The following DYNC2H1 variants were observed in gnomAD, a reference collection of about 807,000 sequenced individuals.
DYNC2H1 encodes the protein dynein cytoplasmic 2 heavy chain 1, also known as cytoplasmic dynein 2 heavy chain 1.
Under a neutral mutation model 570.0 loss-of-function variants are expected in DYNC2H1, and 410 were observed. That is an observed-to-expected ratio of 0.72 (90% confidence interval 0.66 to 0.78). The LOEUF (loss-of-function observed/expected upper bound fraction) is 0.78. Ranked by LOEUF, DYNC2H1 falls within the 30% of genes least tolerant of loss-of-function variation. The pLI is 0.00. For synonymous variants in DYNC2H1, 1,688 were observed against 1,677.6 expected, an observed-to-expected ratio of 1.01 and a Z score of -0.15; for missense variants, 4,865 against 5,046.4, an observed-to-expected ratio of 0.96 and a Z score of 1.09.
At chr11:103,166,164 T>A in intron 31 of DYNC2H1, 116 bp downstream of exon 31, 2 of 736,612 alleles carry the variant, frequency 2.7e-6, no homozygotes, top group Non-Finnish European at 4.0e-6. Context: ...CTCGAGGAAT[T>A]ACAACATATA....
intron 54 of DYNC2H1, 46 bp downstream of exon 54, chr11:103,211,989 C>A: frequency 7.2e-7 from 1 of 1,386,626 alleles, no homozygotes. Flanking sequence ...ATATAGGAAA[C>A]AAGAGTTTTG....
chr11:103,320,618 C>A (rs1437629526), intron 80 of DYNC2H1, among the ~76,000 whole-genome samples: 1 of 152,104 alleles, frequency 6.6e-6, no homozygotes, highest in Non-Finnish European at 1.5e-5. Context: ...TGGATAGGTT[C>A]TCTTAAGGAA....
chr11:103,110,344 C>T (rs940133318), intron 1 of DYNC2H1, among the ~76,000 whole-genome samples: 2 of 151,944 alleles, frequency 1.3e-5, no homozygotes, highest in Admixed American at 1.3e-4. Flanking sequence ...ACTGCAGATA[C>T]GTTATAACTA....
chr11:103,176,481 T>TAATAAG, intron 37 of DYNC2H1, 47 bp downstream of exon 37: 1 of 1,326,904 alleles, frequency 7.5e-7, no homozygotes, highest in Non-Finnish European at 9.8e-7. Context: ...TTTTCCTAGT[T>TAATAAG]GATTCCTTAT....
At chr11:103,375,902 T>C (rs1941370933) in intron 83 of DYNC2H1, among the ~76,000 whole-genome samples, 2 of 152,084 alleles carry the variant, frequency 1.3e-5, no homozygotes. Context: ...TGTGAGGACA[T>C]GAGATTTTGG....
chr11:103,350,322 T>A (rs1939984753), intron 82 of DYNC2H1, among the ~76,000 whole-genome samples: 1 of 137,166 alleles, frequency 7.3e-6, no homozygotes. Context: ...TTATAAATTG[T>A]TTTTTTCTGC....
intron 82 of DYNC2H1, among the ~76,000 whole-genome samples, chr11:103,351,880 A>G (rs1296862911): frequency 6.6e-6 from 1 of 152,088 alleles, no homozygotes; most frequent in Admixed American, 6.6e-5. Context: ...GGTGCCTGAG[A>G]TTTACTTTGA....
chr11:103,176,415 A>T lies in DYNC2H1; in HGVS notation c.5855A>T (p.Tyr1952Phe), dbSNP rs756750628. 9 of 1,545,200 alleles carry T rather than the reference A, an allele frequency of 5.8e-6. No individual in the cohort carries two copies. Among genetic ancestry groups the T allele is most frequent in the Non-Finnish European group, 7.0e-6 (8 of 1,150,886 alleles). The change falls in exon 37 of 89, where the codon TAT becomes TTT. Residue 1952 changes from tyrosine to phenylalanine, a missense_variant. Transcript: ENST00000375735. Reference protein sequence around the residue: ...ALKQVFEEANYEIIPNQIKKA... With the variant: ...ALKQVFEEANFEIIPNQIKKA... ...AAGCAGGTCTTTGAAGAGGCCAATTATGAAATTATACCCAATCAGGTAACT... is the reference window on the plus strand; with the variant it reads ...AAGCAGGTCTTTGAAGAGGCCAATTTTGAAATTATACCCAATCAGGTAACT...
intron 56 of DYNC2H1, among the ~76,000 whole-genome samples, 191 bp downstream of exon 56, chr11:103,220,219 A>C (rs1033670545): frequency 6.6e-6 from 1 of 152,206 alleles, no homozygotes; most frequent in Admixed American, 6.5e-5. Context: ...ATGGATGATA[A>C]TTAAAAATAA....
chr11:103,430,926 G>A (rs1378176801), intron 84 of DYNC2H1, among the ~76,000 whole-genome samples: 7 of 152,054 alleles, frequency 4.6e-5, no homozygotes, highest in Non-Finnish European at 1.0e-4. Flanking sequence ...ATTGTCCATA[G>A]CCATCTCTTT....
At chr11:103,406,978 TTTA>T in intron 84 of DYNC2H1, 1 of 152,032 alleles carries the variant, frequency 6.6e-6, no homozygotes. Context: ...ATTAATAGTA[TTTA>T]TTGTTCATTG....
chr11:103,260,243 A>G (rs1462628219), intron 70 of DYNC2H1, among the ~76,000 whole-genome samples: 1 of 152,158 alleles, frequency 6.6e-6, no homozygotes, highest in Non-Finnish European at 1.5e-5. Context: ...AGATAATGAC[A>G]ATGGATTATG....
chr11:103,323,954 T>C lies in DYNC2H1; in HGVS notation c.12003T>C (p.Asn4001=). The part of the protein sequence containing the change: ...DKPSFFGLPA[N]IARSSQRMIS... ...CTAGTTTCTTTGGTCTGCCTGCCAATATCGCTCGCTCATCTCAGCGCATGA... is the reference window on the plus strand; with the variant it reads ...CTAGTTTCTTTGGTCTGCCTGCCAACATCGCTCGCTCATCTCAGCGCATGA... Residue 4001 remains asparagine, a synonymous_variant, in exon 82 of 89, where the codon AAT becomes AAC. Transcript: ENST00000375735. 2.5e-6 allele frequency: 4 copies of C among 1,612,852 alleles called. No individual in the cohort carries two copies. The highest frequency in any genetic ancestry group is 3.4e-6 in the Non-Finnish European group (4 of 1,179,240).
At chr11:103,141,646 G>C (rs957882324) in intron 17 of DYNC2H1, among the ~76,000 whole-genome samples, 1 of 152,154 alleles carries the variant, frequency 6.6e-6, no homozygotes, top group Admixed American at 6.5e-5. Context: ...GCTGCTCAGG[G>C]GTCAGGGGTC....
chr11:103,158,566 A>G, intron 26 of DYNC2H1, 111 bp from the exon 27 acceptor site: 1 of 798,194 alleles, frequency 1.3e-6, no homozygotes, highest in Non-Finnish European at 2.0e-6. Flanking sequence ...ATACTGTTAT[A>G]ATAGTGTTAC....
At chr11:103,454,857 A>T (rs1234141141) in intron 85 of DYNC2H1, 2 of 197,566 alleles carry the variant, frequency 1.0e-5, no homozygotes, top group East Asian at 2.4e-4. Flanking sequence ...TTAGGCCTGG[A>T]TGCTCAGTAT....
At chr11:103,459,946 G>A (rs1488521612) in intron 87 of DYNC2H1, among the ~76,000 whole-genome samples, 110 of 125,938 alleles carry the variant, frequency 8.7e-4, no homozygotes, top group South Asian at 3.5e-3. Context: ...GCGACAGAGC[G>A]AGACTCCGTC....
At chr11:103,144,890 T>A (rs969548264) in intron 18 of DYNC2H1, among the ~76,000 whole-genome samples, 3 of 151,956 alleles carry the variant, frequency 2.0e-5, no homozygotes, top group African/African-American at 7.3e-5. Context: ...TTAGTTATTT[T>A]TTTTTTTTGA....
At chr11:103,400,466 T>C (rs1351378877) in intron 84 of DYNC2H1, among the ~76,000 whole-genome samples, 1 of 152,156 alleles carries the variant, frequency 6.6e-6, no homozygotes, top group Non-Finnish European at 1.5e-5. Context: ...GAAGGGGAAA[T>C]CAACACTTCT....
Sources: gnomAD v4.1 joint callset for allele counts (sites outside exome capture counted in the v4.1 genomes callset) on GRCh38, gnomAD v4.1.1 for gene constraint, MANE v1.5 for transcripts, NCBI Gene and HGNC (gene_info 2026-07-23, HGNC 2026-07-21) for gene names.